Variants in ARHGEF10L observed in about 807,000 individuals in gnomAD.
ARHGEF10L encodes the protein rho guanine nucleotide exchange factor 10-like protein.
In ARHGEF10L, 69 loss-of-function variants were observed where a neutral mutation model predicts 141.2. The observed-to-expected ratio is 0.49, with a 90% CI of 0.40 to 0.60. The LOEUF is 0.60. Among genes scored for constraint, ARHGEF10L ranks in the 20% least tolerant of loss-of-function variants. The pLI, the probability that ARHGEF10L is intolerant of heterozygous loss-of-function variation, is 0.00. For synonymous variants in ARHGEF10L, 711 were observed against 718.5 expected, an observed-to-expected ratio of 0.99 and a Z score of 0.17; for missense variants, 1,482 against 1,734.3, an observed-to-expected ratio of 0.85 and a Z score of 2.58.
At chr1:17,667,048 A>G (rs1459329489) in intron 26 of ARHGEF10L, among the ~76,000 whole-genome samples, 1 of 152,152 alleles carries the variant, frequency 6.6e-6, no homozygotes, top group Non-Finnish European at 1.5e-5. Flanking sequence ...GTGTCTGAGC[A>G]CTGTCCTCAC....
intron 21 of ARHGEF10L, among the ~76,000 whole-genome samples, chr1:17,641,760 C>T (rs2061339917): frequency 6.6e-6 from 1 of 151,948 alleles, no homozygotes; most frequent in Non-Finnish European, 1.5e-5. Context: ...GGGCAGATCA[C>T]CTGAGGTCAG....
Position 17,655,907 on chromosome 1 carries a change from G to A in ARHGEF10L, c.2510G>A (p.Gly837Asp). 4 of 1,555,772 alleles carry A rather than the reference G, an allele frequency of 2.6e-6. No individual in the cohort carries two copies. The highest frequency in any genetic ancestry group is 3.5e-6 in the Non-Finnish European group (4 of 1,149,566). ...WVGGGQEGAG[G>D]QVEIFSLNRP... is the part of the protein sequence containing the mutation. ...GGGGGCGGACAGGAAGGCGCAGGGG[G>A]CCAGGTGGAAATCTTTTCCTTGAAC... The change falls in exon 24 of 29, where the codon GGC becomes GAC. Residue 837 changes from glycine (G) to aspartate (D), a missense_variant. Physicochemically the swap from Gly to Asp is moderately conservative, Grantham distance 94. This residue lies in a region of ARHGEF10L where 858 missense variants were observed against 966.3 expected (regional missense o/e 0.89). Transcript: ENST00000361221.
rs1249179404 is a variant in ARHGEF10L, at chr1:17,619,479, A to C, written c.942+34A>C. On this transcript the variant is annotated intron_variant, in intron 10 of 28. Coordinates refer to ENST00000361221, the MANE Select transcript of ARHGEF10L (RefSeq NM_018125.4). The surrounding 1 kb of genome is among the most constrained non-coding windows in gnomAD (Gnocchi z 5.0). The stretch of plus-strand genomic sequence containing the variant: ...GGGAGTGGGGCAGGTGGGGGTCTGC[A>C]GGGGAAGGGGTGGCTTGGGGGTTCC... 11 of 660,902 alleles carry C rather than the reference A, an allele frequency of 1.7e-5. No homozygotes were observed. The highest frequency in any genetic ancestry group is 9.2e-5 in the Admixed American group (3 of 32,714). The allele number at this position is 660,902 out of a possible 1,614,324, so 40.9% of individuals were successfully genotyped here. A position where few individuals can be genotyped will look rare whatever the true frequency, so the allele number is the denominator to read the frequency against.
rs149874779 is a variant in ARHGEF10L, at chr1:17,636,087, G to A, written c.1927+1071G>A. On this transcript the variant is annotated intron_variant, in intron 18 of 28. Transcript: ENST00000361221. ...TCTGCCCCACGTGCCTTCCTCGGAGGCACCTTCTGCCCTGGCTCAACTGCA... is the reference window on the plus strand; with the variant it reads ...TCTGCCCCACGTGCCTTCCTCGGAGACACCTTCTGCCCTGGCTCAACTGCA... Among the ~76,000 whole-genome samples, 1,132 of 152,242 alleles carry A rather than the reference G, an allele frequency of 7.4e-3. 6 individuals carry two copies. Among genetic ancestry groups the A allele is most frequent in the Middle Eastern group, 0.014 (4 of 294 alleles).
chr1:17,568,129 C>A (rs954863899), intron 1 of ARHGEF10L, among the ~76,000 whole-genome samples: 3 of 152,146 alleles, frequency 2.0e-5, no homozygotes, highest in African/African-American at 7.2e-5. Context: ...AGGGCAGTGA[C>A]GGGGAGCTCT....
chr1:17,654,495 C>A lies in ARHGEF10L; in HGVS notation c.2395-141C>A. On this transcript the variant is annotated intron_variant, in intron 22 of 28. Coordinates refer to ENST00000361221, the MANE Select transcript of ARHGEF10L (RefSeq NM_018125.4). The surrounding 1 kb of genome is among the most constrained non-coding windows in gnomAD (Gnocchi z 4.3). ...GGAACTGCCTGGAGAAGCAGGCACT[C>A]GTGAAGCATGTTGCTTTCCTGGCCC... 1.3e-6 allele frequency: 1 copy of A among 766,718 alleles called. No individual in the cohort carries two copies. The highest frequency in any genetic ancestry group is 2.4e-6 in the Non-Finnish European group (1 of 425,114). The allele number at this position is 766,718 out of a possible 1,614,324, so 47.5% of individuals were successfully genotyped here.
In ARHGEF10L at chr1:17,631,486, A is replaced by ACAGGC. The variant is rs1227808703; in HGVS notation, c.1585-832_1585-828dup. On this transcript the variant is annotated intron_variant, in intron 15 of 28. Coordinates refer to ENST00000361221, the MANE Select transcript of ARHGEF10L (RefSeq NM_018125.4). Reference sequence around the variant, plus strand: ...GTCATGAGGCCACCTAAGAGGCGAGACAGGCCAAGGCTTTCAACAGGTTGG... The same window carrying ACAGGC: ...GTCATGAGGCCACCTAAGAGGCGAGACAGGCCAGGCCAAGGCTTTCAACAGGTTGG... 4.6e-5 allele frequency among the ~76,000 whole-genome samples: 7 copies of ACAGGC among 152,288 alleles called. No individual in the cohort carries two copies. In the East Asian group the frequency reaches 1.4e-3, roughly 29 times the overall value.
chr1:17,665,629 G>A (rs1023943107), intron 26 of ARHGEF10L, among the ~76,000 whole-genome samples: 6 of 152,324 alleles, frequency 3.9e-5, no homozygotes, highest in African/African-American at 1.2e-4. Flanking sequence ...GCTGGCTCCC[G>A]TGGGAGCACG....
At position 17,625,926 on chromosome 1, in the gene ARHGEF10L, C is replaced by T; in HGVS notation, c.1318-30C>T. 6.2e-7 allele frequency: 1 copy of T among 1,603,068 alleles called. No homozygotes were observed. The highest frequency in any genetic ancestry group is 8.5e-7 in the Non-Finnish European group (1 of 1,170,628). ...GCACTGGGCCCTCTCTGCAGGGGGT[C>T]AGCGAATGACGGAACCTTGTCTCCA... On this transcript the variant is annotated intron_variant, in intron 13 of 28. Transcript: ENST00000361221. The surrounding 1 kb of genome is among the most constrained non-coding windows in gnomAD (Gnocchi z 4.5).
At chr1:17,564,320 TG>T (rs1351528068) in intron 1 of ARHGEF10L, among the ~76,000 whole-genome samples, 1 of 152,128 alleles carries the variant, frequency 6.6e-6, no homozygotes, top group Non-Finnish European at 1.5e-5. Context: ...CAGAGAGACT[TG>T]GAGGGGGGCT....
At position 17,664,644 on chromosome 1, in the gene ARHGEF10L, T is replaced by C. The variant is rs1348517387; in HGVS notation, c.3009+49T>C. 2.0e-6 allele frequency: 3 copies of C among 1,467,776 alleles called. No individual in the cohort carries two copies. The South Asian group carries it at 4.2e-5, about 21-fold the overall frequency. 90.9% of individuals were successfully genotyped at this position (1,467,776 alleles called of 1,614,324 possible). A position where few individuals can be genotyped will look rare whatever the true frequency, so the allele number is the denominator to read the frequency against. ...TGGCCCTGGAGGCCTGCCTTCCTTT[T>C]GCTGACCCTTTCTTATGTCCACCCC... is the stretch of plus-strand genomic sequence containing the variant. On this transcript the variant is annotated intron_variant, in intron 26 of 28. Coordinates refer to ENST00000361221, the MANE Select transcript of ARHGEF10L (RefSeq NM_018125.4).
In ARHGEF10L at chr1:17,696,859, G is replaced by A; in HGVS notation, c.3319G>A (p.Val1107Ile). ...CCCATTTTCTGCAGGGAAAGGCATG[G>A]TCTCACTCAACGGGCACTGTGGGCC... Reference protein sequence around the residue: ...GIPKITGKGMVSLNGHCGPVA... With the variant: ...GIPKITGKGMISLNGHCGPVA... Residue 1107 changes from valine to isoleucine, a missense_variant, in exon 29 of 29, where the codon GTC becomes ATC. Val to Ile is a conservative substitution (Grantham distance 29). Coordinates refer to ENST00000361221, the MANE Select transcript of ARHGEF10L (RefSeq NM_018125.4). 6.4e-7 allele frequency: 1 copy of A among 1,556,120 alleles called. No individual in the cohort carries two copies.
intron 27 of ARHGEF10L, among the ~76,000 whole-genome samples, chr1:17,691,690 G>A (rs113321003): frequency 1.5e-4 from 23 of 151,474 alleles, no homozygotes; most frequent in Admixed American, 1.1e-3. Flanking sequence ...GCTCAATTGT[G>A]TATATATATT....
chr1:17,625,964 G>A lies in ARHGEF10L; in HGVS notation c.1326G>A (p.Gln442=), dbSNP rs780045140. 5.0e-6 allele frequency: 8 copies of A among 1,613,852 alleles called. No homozygotes were observed. Among genetic ancestry groups the A allele is most frequent in the East Asian group, 2.2e-5 (1 of 44,860 alleles). ...PAFLEFLKRR[Q]VCSPDRVTLY... The stretch of plus-strand genomic sequence containing the variant: ...AACCTTGTCTCCACCAGCGACGGCA[G>A]GTGTGCAGCCCAGACCGTGTCACCC... The change falls in exon 14 of 29, where the codon CAG becomes CAA. Residue 442 remains glutamine (Q), a synonymous_variant. Coordinates refer to ENST00000361221, the MANE Select transcript of ARHGEF10L (RefSeq NM_018125.4). This position sits in a 1 kb window ranked among gnomAD's most constrained non-coding sequence, Gnocchi z 4.5.
intron 1 of ARHGEF10L, among the ~76,000 whole-genome samples, chr1:17,562,286 G>A (rs539174585): frequency 3.3e-5 from 5 of 152,282 alleles, no homozygotes; most frequent in South Asian, 2.1e-4. Flanking sequence ...GCGTGGTGGC[G>A]TACACCTGTA....
At chr1:17,526,909 GAAA>G in the ARHGEF10L span, among the ~76,000 whole-genome samples, 6 of 142,452 alleles carry the variant, frequency 4.2e-5, no homozygotes, top group African/African-American at 1.0e-4. Context: ...GTCTCCAAAA[GAAA>G]AAAAAAAAAA....
At chr1:17,661,120 CTG>C (rs2062597889) in intron 25 of ARHGEF10L, among the ~76,000 whole-genome samples, 1 of 152,162 alleles carries the variant, frequency 6.6e-6, no homozygotes, top group Non-Finnish European at 1.5e-5. Context: ...GAGTTTCACT[CTG>C]TCACCCAGGC....
chr1:17,617,625 G>A (rs1449807275), intron 9 of ARHGEF10L, among the ~76,000 whole-genome samples: 1 of 152,238 alleles, frequency 6.6e-6, no homozygotes, highest in Non-Finnish European at 1.5e-5. Context: ...CCTGCCCTCG[G>A]CACATGGCCT....
intron 16 of ARHGEF10L, among the ~76,000 whole-genome samples, chr1:17,633,412 C>T (rs947989666): frequency 4.6e-5 from 7 of 152,178 alleles, no homozygotes; most frequent in African/African-American, 1.7e-4. Flanking sequence ...GGCATGATCT[C>T]GGTTCACTGC....
Sources: gnomAD v4.1 joint callset for allele counts (sites outside exome capture counted in the v4.1 genomes callset) on GRCh38, gnomAD v4.1.1 for gene constraint, gnomAD v4.1.1 regional missense constraint, Gnocchi (gnomAD v3.1) non-coding constraint, MANE v1.5 for transcripts, NCBI Gene and HGNC (gene_info 2026-07-23, HGNC 2026-07-21) for gene names.